Variants in STARD6 observed in about 807,000 individuals in gnomAD.
The protein encoded by STARD6 is stAR-related lipid transfer protein 6.
A neutral mutation model predicts 22.3 loss-of-function variants in STARD6; 21 were observed. The ratio of observed to expected loss-of-function variants is 0.94; its 90% CI spans 0.67 to 1.35. The LOEUF (loss-of-function observed/expected upper bound fraction) is 1.35. Among genes scored for constraint, STARD6 ranks in the 40% most tolerant of loss-of-function variants. The probability of loss-of-function intolerance (pLI) is 0.00; values close to 1 mark genes in which losing one functional copy is unlikely to be tolerated. For synonymous variants in STARD6, 80 were observed against 88.1 expected (o/e 0.91, Z 0.52); for missense variants, 269 against 266.9 (o/e 1.01, Z -0.05).
rs538015858 is a variant in STARD6, at chr18:54,353,536, T to C, written c.140+518A>G. On this transcript the variant is annotated intron_variant, in intron 4 of 7. Transcript: ENST00000307844. ...TTAGTCAGGTGTGGTGGTGTGCACC[T>C]GTAGTCCCAGTTATTCAGGAGGCCG... Among the ~76,000 whole-genome samples the C allele has an allele frequency of 1.4e-3, 210 of 152,280 alleles. 1 individual carries two copies. The highest frequency in any genetic ancestry group is 4.8e-3 in the African/African-American group (199 of 41,554).
rs554910763 is a variant in STARD6, at chr18:54,352,522, C to T, written c.140+1532G>A. 1.2e-4 allele frequency among the ~76,000 whole-genome samples: 19 copies of T among 152,240 alleles called. No homozygotes were observed. In the South Asian group the frequency reaches 3.7e-3, roughly 30 times the overall value. ...CACCTTGATTACAGCCTTGTGGATTCCTTGAGGCAGAGGCACCTAGCAAAG... is the reference window on the plus strand; with the variant it reads ...CACCTTGATTACAGCCTTGTGGATTTCTTGAGGCAGAGGCACCTAGCAAAG... On this transcript the variant is annotated intron_variant, in intron 4 of 7. Coordinates refer to ENST00000307844, the MANE Select transcript of STARD6 (RefSeq NM_139171.2).
chr18:54,325,479 A>G (rs1426120672), intron 7 of STARD6, among the ~76,000 whole-genome samples: 1 of 151,646 alleles, frequency 6.6e-6, no homozygotes, highest in Non-Finnish European at 1.5e-5. Flanking sequence ...ATTGACTATC[A>G]TTTAGGTTGT....
intron 1 of STARD6, among the ~76,000 whole-genome samples, chr18:54,357,568 A>T (rs537201970): frequency 6.6e-6 from 1 of 152,118 alleles, no homozygotes; most frequent in African/African-American, 2.4e-5. Context: ...GCTGTGGGGC[A>T]GACTCTCAGC....
chr18:54,327,043 T>C (rs183213697), intron 7 of STARD6, among the ~76,000 whole-genome samples: 1 of 152,338 alleles, frequency 6.6e-6, no homozygotes, highest in African/African-American at 2.4e-5. Flanking sequence ...TCTTTGGGCT[T>C]CCACTTTCTT....
chr18:54,349,711 G>A (rs1209056548), intron 4 of STARD6, among the ~76,000 whole-genome samples: 1 of 152,080 alleles, frequency 6.6e-6, no homozygotes, highest in East Asian at 1.9e-4. Context: ...ATGCCTTTGT[G>A]TTCTCATAGC....
chr18:54,352,015 A>G lies in STARD6; in HGVS notation c.140+2039T>C, dbSNP rs530420377. 6.7e-5 allele frequency among the ~76,000 whole-genome samples: 10 copies of G among 150,248 alleles called. No homozygotes were observed. In the South Asian group the frequency reaches 1.5e-3, roughly 22 times the overall value. Reference sequence around the variant, plus strand: ...TATCTTTTGGAATAGTTTCAGTAAGATCATACCAATTTTCTTTGAATGTCT... The same window carrying G: ...TATCTTTTGGAATAGTTTCAGTAAGGTCATACCAATTTTCTTTGAATGTCT... On this transcript the variant is annotated intron_variant, in intron 4 of 7. Coordinates refer to ENST00000307844, the MANE Select transcript of STARD6 (RefSeq NM_139171.2).
intron 7 of STARD6, among the ~76,000 whole-genome samples, chr18:54,328,692 C>T (rs1034859661): frequency 2.6e-5 from 4 of 151,702 alleles, no homozygotes; most frequent in Admixed American, 1.3e-4. Flanking sequence ...TCTGTTATCA[C>T]GTGCCAATAT....
Position 54,329,474 on chromosome 18 carries a change from T to A in STARD6, c.386-34A>T, listed in dbSNP as rs1056238852. On this transcript the variant is annotated intron_variant, in intron 6 of 7. Transcript: ENST00000307844. The stretch of plus-strand genomic sequence containing the variant: ...TTTTAAAAAATTAAAATGAAACCTA[T>A]TCACAAAGAGGAAAAACTATTTCCA... 4.9e-5 allele frequency: 74 copies of A among 1,510,790 alleles called. 1 individual carries two copies. The East Asian group carries it at 1.7e-3, about 34-fold the overall frequency. 93.6% of individuals were successfully genotyped at this position (1,510,790 alleles called of 1,614,324 possible).
At chr18:54,338,028 C>A (rs1009221982) in intron 4 of STARD6, among the ~76,000 whole-genome samples, 2 of 152,150 alleles carry the variant, frequency 1.3e-5, no homozygotes, top group African/African-American at 4.8e-5. Context: ...CCGGCTCTGC[C>A]TACTCAGTAC....
intron 5 of STARD6, among the ~76,000 whole-genome samples, chr18:54,332,560 G>A (rs2144669642): frequency 6.6e-6 from 1 of 152,292 alleles, no homozygotes; most frequent in Middle Eastern, 3.4e-3. Flanking sequence ...CAGCCCCTAG[G>A]TGTTCACCCT....
chr18:54,326,406 A>G (rs1245483301), intron 7 of STARD6, among the ~76,000 whole-genome samples: 2 of 146,092 alleles, frequency 1.4e-5, no homozygotes, highest in Non-Finnish European at 1.5e-5. Flanking sequence ...ATCTGGGATC[A>G]CTGCAAGCCC....
chr18:54,350,595 C>A (rs1277366617), intron 4 of STARD6, among the ~76,000 whole-genome samples: 1 of 152,078 alleles, frequency 6.6e-6, no homozygotes, highest in Non-Finnish European at 1.5e-5. Flanking sequence ...ATGTTATTTT[C>A]TAGAGTTTTT....
intron 4 of STARD6, among the ~76,000 whole-genome samples, chr18:54,340,592 T>C (rs1187641703): frequency 6.6e-6 from 1 of 151,944 alleles, no homozygotes; most frequent in Non-Finnish European, 1.5e-5. Flanking sequence ...TAACATTAGG[T>C]GTGACTGAAT....
intron 1 of STARD6, chr18:54,357,307 G>A (rs1223868348): frequency 1.3e-5 from 2 of 152,264 alleles, no homozygotes; most frequent in Admixed American, 6.5e-5. Context: ...AATCCGTGCG[G>A]GGTCACTGCC....
At chr18:54,349,652 C>A (rs1337385394) in intron 4 of STARD6, among the ~76,000 whole-genome samples, 1 of 152,106 alleles carries the variant, frequency 6.6e-6, no homozygotes, top group Admixed American at 6.5e-5. Context: ...ATCCATCCTC[C>A]TCCTCCCACC....
At chr18:54,342,427 CCCTCT>C in intron 4 of STARD6, among the ~76,000 whole-genome samples, 1 of 24,286 alleles carries the variant, frequency 4.1e-5, no homozygotes, top group African/African-American at 9.7e-5. Flanking sequence ...CTCTCCGTCT[CCCTCT>C]CCCTCTCCCT....
At chr18:54,339,479 T>TAA (rs34972454) in intron 4 of STARD6, among the ~76,000 whole-genome samples, 4 of 141,926 alleles carry the variant, frequency 2.8e-5, no homozygotes, top group Non-Finnish European at 3.1e-5. Flanking sequence ...TGAAAGCAGT[T>TAA]AAAAAAAAAA....
chr18:54,349,956 T>C (rs1324612466), intron 4 of STARD6, among the ~76,000 whole-genome samples: 1 of 152,220 alleles, frequency 6.6e-6, no homozygotes, highest in Non-Finnish European at 1.5e-5. Flanking sequence ...TGTGTGCATG[T>C]GTCTTTTTCA....
In STARD6 at chr18:54,337,175, T is replaced by A; in HGVS notation, c.217A>T (p.Thr73Ser). Residue 73 changes from threonine (T) to serine (S), a missense_variant, in exon 5 of 8, where the codon ACA becomes TCA. Physicochemically the swap from Thr to Ser is moderately conservative, Grantham distance 58. Transcript: ENST00000307844. ...DFLYQTGDRI[T>S]WDKSLQVYNM... ...TACACTTGCAATGATTTATCCCATG[T>A]AATTCTGTCTCCAGTTTGGTAGAGG... 1 of 1,613,584 alleles carries A rather than the reference T, an allele frequency of 6.2e-7. No individual in the cohort carries two copies. Among genetic ancestry groups the A allele is most frequent in the Non-Finnish European group, 8.5e-7 (1 of 1,179,694 alleles).
Sources: allele counts gnomAD v4.1 joint callset (sites outside exome capture counted in the v4.1 genomes callset), GRCh38; gene constraint gnomAD v4.1.1; transcripts MANE v1.5; gene names NCBI Gene and HGNC (gene_info 2026-07-23, HGNC 2026-07-21).